FNTB: variants seen among roughly 807,000 people sequenced by gnomAD.
The protein encoded by FNTB is protein farnesyltransferase subunit beta.
A neutral mutation model predicts 59.4 loss-of-function variants in FNTB; 27 were observed. The ratio of observed to expected loss-of-function variants is 0.45; its 90% CI spans 0.34 to 0.63. The LOEUF is 0.63. Among genes scored for constraint, FNTB ranks in the 20% least tolerant of loss-of-function variants. FNTB has a pLI of 0.02. For missense variants in FNTB, 449 were observed against 559.6 expected (o/e 0.80, Z 1.99); for synonymous variants, 230 against 220.7 (o/e 1.04, Z -0.37).
Position 65,032,650 on chromosome 14 carries a change from A to G in FNTB, c.646A>G (p.Ile216Val), listed in dbSNP as rs2062109058. The change falls in exon 7 of 12, where the codon ATC becomes GTC. Residue 216 changes from isoleucine (I) to valine (V), a missense_variant. Coordinates refer to ENST00000246166, the MANE Select transcript of FNTB (RefSeq NM_002028.4). This position sits in a 1 kb window ranked among gnomAD's most constrained non-coding sequence, Gnocchi z 5.0. ...CAASVASLTN[I>V]ITPDLFEGTA... is the part of the protein sequence containing the mutation. ...TGCCTCCGTAGCCTCGCTGACCAACATCATCACTCCAGACCTCTTTGAGGG... is the reference window on the plus strand; with the variant it reads ...TGCCTCCGTAGCCTCGCTGACCAACGTCATCACTCCAGACCTCTTTGAGGG... 1 of 1,613,974 alleles carries G rather than the reference A, an allele frequency of 6.2e-7. No homozygotes were observed. The highest frequency in any genetic ancestry group is 8.5e-7 in the Non-Finnish European group (1 of 1,180,006).
In FNTB at chr14:65,061,245, T is replaced by TACAGAAGCCAGTCCCAGGTTTTGAGG. The variant is rs1292039953; in HGVS notation, c.1249_1274dup (p.Glu425AspfsTer56). 3 of 1,614,202 alleles carry TACAGAAGCCAGTCCCAGGTTTTGAGG rather than the reference T, an allele frequency of 1.9e-6. No homozygotes were observed. The highest frequency in any genetic ancestry group is 3.3e-5 in the Admixed American group (2 of 60,026). ...GTGATCCAGGCCACTACATACTTTCTACAGAAGCCAGTCCCAGGTTTTGAG... is the reference window on the plus strand; with the variant it reads ...GTGATCCAGGCCACTACATACTTTCTACAGAAGCCAGTCCCAGGTTTTGAGGACAGAAGCCAGTCCCAGGTTTTGAG... On this transcript the variant is annotated frameshift_variant, in exon 12 of 12. Coordinates refer to ENST00000246166, the MANE Select transcript of FNTB (RefSeq NM_002028.4). LOFTEE classifies it high-confidence loss of function.
intron 11 of FNTB, among the ~76,000 whole-genome samples, chr14:65,056,923 G>A (rs2062749399): frequency 6.6e-6 from 1 of 152,192 alleles, no homozygotes; most frequent in South Asian, 2.1e-4. Context: ...TCTGGCAAGG[G>A]TTGTGCTGCA....
At position 65,054,202 on chromosome 14, in the gene FNTB, T is replaced by G. The variant is rs2062677055; in HGVS notation, c.1068-373T>G. On this transcript the variant is annotated intron_variant, in intron 10 of 11. Transcript: ENST00000246166. The surrounding 1 kb of genome is among the most constrained non-coding windows in gnomAD (Gnocchi z 4.4). Reference sequence around the variant, plus strand: ...ATCATGACTCACTGCAGCCTTCACCTCTTGGGCTCGAGTGATCCTCCTGCT... The same window carrying G: ...ATCATGACTCACTGCAGCCTTCACCGCTTGGGCTCGAGTGATCCTCCTGCT... Among the ~76,000 whole-genome samples the G allele has an allele frequency of 6.6e-6, 1 of 152,066 alleles. No homozygotes were observed. The highest frequency in any genetic ancestry group is 1.5e-5 in the Non-Finnish European group (1 of 68,028).
intron 8 of FNTB, among the ~76,000 whole-genome samples, chr14:65,043,701 G>A (rs553231346): frequency 7.0e-4 from 106 of 151,108 alleles, no homozygotes; most frequent in Middle Eastern, 3.4e-3. Flanking sequence ...GGGCGCCTGT[G>A]GTCCCAGCTA....
At position 64,997,127 on chromosome 14, in the gene FNTB, TGA is replaced by T. The variant is rs1888427062; in HGVS notation, c.145-7118_145-7117del. Among the ~76,000 whole-genome samples the T allele has an allele frequency of 6.6e-6, 1 of 152,194 alleles. No homozygotes were observed. The highest frequency in any genetic ancestry group is 6.5e-5 in the Admixed American group (1 of 15,282). On this transcript the variant is annotated intron_variant, in intron 1 of 11. Transcript: ENST00000246166. The surrounding 1 kb of genome is among the most constrained non-coding windows in gnomAD (Gnocchi z 4.5). ...GAAAGACAATCTCCCTTTAGAATTG[TGA>T]GAGGGTCCTGAATTCTGCTAAGATG...
intron 8 of FNTB, among the ~76,000 whole-genome samples, chr14:65,041,871 A>T (rs189635053): frequency 2.6e-5 from 4 of 152,330 alleles, no homozygotes; most frequent in African/African-American, 7.2e-5. Context: ...CCCATCTCCC[A>T]GGCAGAGATA....
chr14:65,044,940 C>A lies in FNTB; in HGVS notation c.955+497C>A, dbSNP rs141223960. Among the ~76,000 whole-genome samples the A allele has an allele frequency of 6.6e-6, 1 of 152,104 alleles. No homozygotes were observed. The highest frequency in any genetic ancestry group is 1.5e-5 in the Non-Finnish European group (1 of 68,008). The stretch of plus-strand genomic sequence containing the variant: ...GCCCCTACACCATGGAGAAGAGACT[C>A]GCCGTGTCTGACTGGCTGCAGAGTT... On this transcript the variant is annotated intron_variant, in intron 9 of 11. Coordinates refer to ENST00000246166, the MANE Select transcript of FNTB (RefSeq NM_002028.4). The surrounding 1 kb of genome is among the most constrained non-coding windows in gnomAD (Gnocchi z 5.5).
chr14:65,038,605 G>A (rs368629835), intron 7 of FNTB, among the ~76,000 whole-genome samples: 2 of 146,938 alleles, frequency 1.4e-5, no homozygotes, highest in South Asian at 4.4e-4. Context: ...GTAATCCCAC[G>A]TACTCAGGAG....
chr14:65,017,970 T>C (rs2061812335), intron 4 of FNTB, among the ~76,000 whole-genome samples: 1 of 151,856 alleles, frequency 6.6e-6, no homozygotes, highest in African/African-American at 2.4e-5. Flanking sequence ...AATAAATAAA[T>C]AAAATACATA....
chr14:65,032,368 T>G lies in FNTB; in HGVS notation c.606-242T>G. The G allele has an allele frequency of 2.5e-6, 1 of 401,458 alleles. No individual in the cohort carries two copies. The allele number at this position is 401,458 out of a possible 1,614,324, so 24.9% of individuals were successfully genotyped here. A position where few individuals can be genotyped will look rare whatever the true frequency, so the allele number is the denominator to read the frequency against. The stretch of plus-strand genomic sequence containing the variant: ...ATTTCCTCTGATGTAGATTGGACCA[T>G]GTGGAGGTAGGGAGAATAGAATGTC... On this transcript the variant is annotated intron_variant, in intron 6 of 11. Coordinates refer to ENST00000246166, the MANE Select transcript of FNTB (RefSeq NM_002028.4). This position sits in a 1 kb window ranked among gnomAD's most constrained non-coding sequence, Gnocchi z 5.0.
chr14:65,046,481 G>A (rs1163417442), intron 9 of FNTB, among the ~76,000 whole-genome samples: 1 of 152,214 alleles, frequency 6.6e-6, no homozygotes, highest in Non-Finnish European at 1.5e-5. Context: ...GGGGCTGCTG[G>A]TTAATTGTTT....
intron 1 of FNTB, among the ~76,000 whole-genome samples, chr14:64,999,429 C>T (rs1413915594): frequency 6.6e-6 from 1 of 152,140 alleles, no homozygotes; most frequent in Non-Finnish European, 1.5e-5. Context: ...CAGAGTGAGA[C>T]TCCATCTCAA....
chr14:64,992,205 CAA>C (rs986231868), intron 1 of FNTB, among the ~76,000 whole-genome samples: 1 of 152,026 alleles, frequency 6.6e-6, no homozygotes. Flanking sequence ...CCATATTGCC[CAA>C]GTGTAAAGTA....
Position 65,061,537 on chromosome 14 carries a change from G to A in FNTB, c.*225G>A. 1 of 629,718 alleles carries A rather than the reference G, an allele frequency of 1.6e-6. No homozygotes were observed. The highest frequency in any genetic ancestry group is 3.2e-5 in the Admixed American group (1 of 31,042). The allele number at this position is 629,718 out of a possible 1,614,324, so 39.0% of individuals were successfully genotyped here. On this transcript the variant is annotated 3_prime_UTR_variant, in exon 12 of 12. Coordinates refer to ENST00000246166, the MANE Select transcript of FNTB (RefSeq NM_002028.4). ...CACCTGTCAAACCAAAAATCTATCA[G>A]CCCACGTGGTGTGGTTGGTGAACAG...
At chr14:64,988,527 C>A (rs567022682) in intron 1 of FNTB, among the ~76,000 whole-genome samples, 1 of 151,332 alleles carries the variant, frequency 6.6e-6, no homozygotes, top group Non-Finnish European at 1.5e-5. Context: ...CTCCGCCTCC[C>A]GGGTTCACGC....
In FNTB at chr14:65,054,585, T is replaced by C. The variant is rs1164180675; in HGVS notation, c.1078T>C (p.Phe360Leu). The C allele has an allele frequency of 6.2e-7, 1 of 1,613,284 alleles. No individual in the cohort carries two copies. The highest frequency in any genetic ancestry group is 1.7e-5 in the Admixed American group (1 of 59,952). Residue 360 changes from phenylalanine (F) to leucine (L), a missense_variant, in exon 11 of 12, where the codon TTC (phenylalanine) becomes CTC (leucine). This residue lies in a region of FNTB where 337 missense variants were observed against 479.1 expected (regional missense o/e 0.70). Transcript: ENST00000246166. This position sits in a 1 kb window ranked among gnomAD's most constrained non-coding sequence, Gnocchi z 4.4. ...TGCCTGTCCTTACAGGTCGCGTGAT[T>C]TCTACCACACCTGCTACTGCCTGAG... is the stretch of plus-strand genomic sequence containing the variant. ...LLDKPGKSRD[F>L]YHTCYCLSGL...
Position 65,022,693 on chromosome 14 carries a change from C to T in FNTB, c.375-4760C>T, listed in dbSNP as rs192407090. On this transcript the variant is annotated intron_variant, in intron 4 of 11. Coordinates refer to ENST00000246166, the MANE Select transcript of FNTB (RefSeq NM_002028.4). ...AATACTTAAAAAAAAAAAAAGTAGTCATTTTTACAACTCTCATGTGAATTC... is the reference window on the plus strand; with the variant it reads ...AATACTTAAAAAAAAAAAAAGTAGTTATTTTTACAACTCTCATGTGAATTC... 7.5e-3 allele frequency among the ~76,000 whole-genome samples: 1,147 copies of T among 151,998 alleles called. 9 individuals are homozygous for T. The highest frequency in any genetic ancestry group is 0.011 in the Non-Finnish European group (759 of 67,964).
intron 3 of FNTB, among the ~76,000 whole-genome samples, chr14:65,013,734 G>A (rs928292324): frequency 1.3e-5 from 2 of 152,158 alleles, no homozygotes; most frequent in African/African-American, 2.4e-5. Flanking sequence ...TTTTAGTAGA[G>A]ACAGGGTTTC....
chr14:65,053,172 T>TG (rs2062651668), intron 9 of FNTB, 66 bp from the exon 10 acceptor site: 1 of 1,218,838 alleles, frequency 8.2e-7, no homozygotes, highest in East Asian at 3.1e-5. Flanking sequence ...GGTGAGAAAG[T>TG]GGAATTAGGT....
Sources: allele counts gnomAD v4.1 joint callset (sites outside exome capture counted in the v4.1 genomes callset), GRCh38; gene constraint gnomAD v4.1.1; regional missense constraint gnomAD v4.1.1; non-coding constraint Gnocchi (gnomAD v3.1); transcripts MANE v1.5; gene names NCBI Gene and HGNC (gene_info 2026-07-23, HGNC 2026-07-21).